SLC24A3: variants seen among roughly 807,000 people sequenced by gnomAD.
SLC24A3 encodes the protein solute carrier family 24 member 3.
A neutral mutation model predicts 75.8 loss-of-function variants in SLC24A3; 28 were observed. The observed-to-expected ratio is 0.37, with a 90% CI of 0.27 to 0.51. The LOEUF (loss-of-function observed/expected upper bound fraction) is 0.51. Among genes scored for constraint, SLC24A3 ranks in the 20% least tolerant of loss-of-function variants. The pLI, the probability that SLC24A3 is intolerant of heterozygous loss-of-function variation, is 0.94. For synonymous variants in SLC24A3, 372 were observed against 334.1 expected (o/e 1.11, Z -1.24); for missense variants, 663 against 847.8 (o/e 0.78, Z 2.71).
At chr20:19,268,809 C>T (rs919132741) in intron 1 of SLC24A3, among the ~76,000 whole-genome samples, 1 of 152,224 alleles carries the variant, frequency 6.6e-6, no homozygotes, top group Non-Finnish European at 1.5e-5. Flanking sequence ...GGCTAGTTTT[C>T]AGTATTGATG....
intron 2 of SLC24A3, among the ~76,000 whole-genome samples, chr20:19,337,215 C>T (rs566609895): frequency 4.1e-4 from 63 of 152,256 alleles, no homozygotes; most frequent in African/African-American, 1.2e-3. Context: ...GAGGCTGAGG[C>T]GAGCGGATCA....
intron 3 of SLC24A3, among the ~76,000 whole-genome samples, chr20:19,527,412 G>A (rs2030218869): frequency 6.6e-6 from 1 of 152,132 alleles, no homozygotes; most frequent in Admixed American, 6.5e-5. Flanking sequence ...CTGAGTATAG[G>A]GTCTATCCAC....
At chr20:19,311,835 TGGC>T (rs1984464847) in intron 2 of SLC24A3, among the ~76,000 whole-genome samples, 2 of 152,008 alleles carry the variant, frequency 1.3e-5, no homozygotes, top group African/African-American at 4.8e-5. Context: ...TCCCAAAGGG[TGGC>T]CTGGAGGAAA....
chr20:19,229,677 T>C (rs574874756), intron 1 of SLC24A3, among the ~76,000 whole-genome samples: 202 of 152,328 alleles, frequency 1.3e-3, no homozygotes, highest in African/African-American at 4.7e-3. Context: ...CTGGAGAATA[T>C]GACCTTTAAT....
rs751428289 is a variant in SLC24A3, at chr20:19,429,905, C to G, written c.272-85583C>G. The stretch of plus-strand genomic sequence containing the variant: ...ACAATAAATCTCTCATTTTTAATCT[C>G]GAGCTACAGTGGGAAAGCCTGTCTG... On this transcript the variant is annotated intron_variant, in intron 2 of 16. Coordinates refer to ENST00000328041, the MANE Select transcript of SLC24A3 (RefSeq NM_020689.4). Among the ~76,000 whole-genome samples the G allele has an allele frequency of 2.6e-5, 4 of 152,084 alleles. No individual in the cohort carries two copies. The East Asian group carries it at 7.7e-4, about 29-fold the overall frequency.
At chr20:19,491,977 G>GC (rs1002050775) in intron 2 of SLC24A3, among the ~76,000 whole-genome samples, 1 of 118,610 alleles carries the variant, frequency 8.4e-6, no homozygotes, top group Admixed American at 8.5e-5. Context: ...GTGCTCAAGG[G>GC]CCCCCCCTTC....
chr20:19,418,014 A>G (rs1986855912), intron 2 of SLC24A3, among the ~76,000 whole-genome samples: 1 of 152,222 alleles, frequency 6.6e-6, no homozygotes, highest in Admixed American at 6.5e-5. Context: ...AGAGATTGCT[A>G]GATCCCTGCC....
intron 6 of SLC24A3, among the ~76,000 whole-genome samples, chr20:19,597,033 T>G (rs2031460915): frequency 6.6e-6 from 1 of 152,212 alleles, no homozygotes; most frequent in South Asian, 2.1e-4. Context: ...TATCTCTACT[T>G]GTTAATCCAT....
chr20:19,443,361 G>GATTTATTTCTTTTATC (rs144863129), intron 2 of SLC24A3, among the ~76,000 whole-genome samples: 9,620 of 151,910 alleles, frequency 0.063, 953 homozygotes, highest in African/African-American at 0.21. Context: ...TCTTTTATCA[G>GATTTATTTCTTTTATC]AGTTTTATAT....
At chr20:19,379,324 G>A (rs562851178) in intron 2 of SLC24A3, among the ~76,000 whole-genome samples, 2 of 152,158 alleles carry the variant, frequency 1.3e-5, no homozygotes, top group African/African-American at 2.4e-5. Flanking sequence ...ACTCTGGAGT[G>A]GGGTGGTAGA....
Position 19,553,079 on chromosome 20 carries a change from C to CTCCA in SLC24A3, c.349-26918_349-26917insATCC, listed in dbSNP as rs1326135114. On this transcript the variant is annotated intron_variant, in intron 3 of 16. Coordinates refer to ENST00000328041, the MANE Select transcript of SLC24A3 (RefSeq NM_020689.4). Reference sequence around the variant, plus strand: ...CTTCCCTCCTTCCTTCCCTCCCTCCCTCCCTCCCTCCCTCCTTCCTTCCTT... The same window carrying CTCCA: ...CTTCCCTCCTTCCTTCCCTCCCTCCCTCCATCCCTCCCTCCCTCCTTCCTTCCTT... Among the ~76,000 whole-genome samples the CTCCA allele has an allele frequency of 5.9e-3, 779 of 132,096 alleles. 9 individuals carry two copies. The highest frequency in any genetic ancestry group is 0.021 in the African/African-American group (760 of 35,976). The allele number at this position is 132,096 out of a possible 152,430, so 86.7% of individuals were successfully genotyped here.
intron 2 of SLC24A3, among the ~76,000 whole-genome samples, chr20:19,283,926 GAGCGAGT>G (rs1983734721): frequency 6.6e-6 from 1 of 152,180 alleles, no homozygotes; most frequent in Admixed American, 6.5e-5. Flanking sequence ...ACTCCCTGCA[GAGCGAGT>G]CTGTCAGCAG....
intron 2 of SLC24A3, among the ~76,000 whole-genome samples, chr20:19,360,922 G>T (rs1340454665): frequency 6.6e-6 from 1 of 152,038 alleles, no homozygotes; most frequent in Non-Finnish European, 1.5e-5. Context: ...TGCCTCCAGG[G>T]TTCACGCCGT....
intron 1 of SLC24A3, among the ~76,000 whole-genome samples, chr20:19,263,048 TGTG>T (rs1373704638): frequency 6.6e-6 from 1 of 151,392 alleles, no homozygotes; most frequent in East Asian, 2.0e-4. Flanking sequence ...TGTGTGTGTG[TGTG>T]TGTGTGTGTG....
chr20:19,638,898 G>A (rs1166756450), intron 6 of SLC24A3, among the ~76,000 whole-genome samples: 3 of 152,074 alleles, frequency 2.0e-5, no homozygotes, highest in Non-Finnish European at 4.4e-5. Flanking sequence ...GCAGACCTTC[G>A]CAGTGAGTAT....
intron 1 of SLC24A3, among the ~76,000 whole-genome samples, chr20:19,238,143 C>T (rs897049518): frequency 2.6e-5 from 4 of 152,038 alleles, no homozygotes; most frequent in African/African-American, 9.7e-5. Flanking sequence ...GGATCTGCAC[C>T]CTTGAAACCT....
chr20:19,358,983 T>G (rs959007870), intron 2 of SLC24A3, among the ~76,000 whole-genome samples: 2 of 152,250 alleles, frequency 1.3e-5, no homozygotes, highest in Admixed American at 6.5e-5. Flanking sequence ...GATAGTCCAC[T>G]GTGTGCATAT....
At chr20:19,448,002 T>G (rs1227884738) in intron 2 of SLC24A3, among the ~76,000 whole-genome samples, 1 of 152,224 alleles carries the variant, frequency 6.6e-6, no homozygotes, top group East Asian at 1.9e-4. Context: ...CTTTCATCGT[T>G]TCATGAACAA....
rs537404506 is a variant in SLC24A3 at position 19,464,921 on chromosome 20, A to G, written c.272-50567A>G. 4.6e-3 allele frequency among the ~76,000 whole-genome samples: 702 copies of G among 152,340 alleles called. 3 individuals are homozygous for G. Among genetic ancestry groups the G allele is most frequent in the Non-Finnish European group, 7.7e-3 (524 of 68,036 alleles). Reference sequence around the variant, plus strand: ...TCAGTTGGCAGGATACTGCAGGCTGACAGCAGCGCTGTCCAGTGGATCTTT... The same window carrying G: ...TCAGTTGGCAGGATACTGCAGGCTGGCAGCAGCGCTGTCCAGTGGATCTTT... On this transcript the variant is annotated intron_variant, in intron 2 of 16. Transcript: ENST00000328041.
Sources: gnomAD v4.1 joint callset for allele counts (sites outside exome capture counted in the v4.1 genomes callset) on GRCh38, gnomAD v4.1.1 for gene constraint, MANE v1.5 for transcripts, NCBI Gene and HGNC (gene_info 2026-07-23, HGNC 2026-07-21) for gene names.